The following DOC2B variants were observed in gnomAD, a reference collection of about 807,000 sequenced individuals.
DOC2B encodes double C2 domain beta.
Under a neutral mutation model 28.9 loss-of-function variants are expected in DOC2B, and 21 were observed. That is an observed-to-expected ratio of 0.73 (90% CI 0.52 to 1.05). The LOEUF is 1.05. Among genes scored for constraint, DOC2B ranks in the 50% least tolerant of loss-of-function variants. DOC2B has a pLI of 0.00. For synonymous variants in DOC2B, 194 were observed against 178.1 expected (o/e 1.09, Z -0.71); for missense variants, 384 against 421.1 (o/e 0.91, Z 0.77).
At chr17:163,801 T>A in intron 3 of DOC2B, 1 of 305,666 alleles carries the variant, frequency 3.3e-6, no homozygotes, top group South Asian at 8.6e-5. Context: ...AGTCCTTTGT[T>A]TGCACCTAAT....
Position 145,956 on chromosome 17 carries a change from T to A in DOC2B, c.*1485A>T, listed in dbSNP as rs2040015294. The A allele has an allele frequency of 6.6e-6, 1 of 152,372 alleles. No individual in the cohort carries two copies. Among genetic ancestry groups the A allele is most frequent in the African/African-American group, 2.4e-5 (1 of 41,468 alleles). The allele number at this position is 152,372 out of a possible 1,614,324, so 9.4% of individuals were successfully genotyped here. A position where few individuals can be genotyped will look rare whatever the true frequency, so the allele number is the denominator to read the frequency against. On this transcript the variant is annotated 3_prime_UTR_variant, in exon 9 of 9. Coordinates refer to ENST00000613549, the MANE Select transcript of DOC2B (RefSeq NM_003585.5). ...CACACTGGGACTCTGGCTGTGCAAC[T>A]CCTTGGCTCTGCATTTGTTCACCCA...
chr17:177,856 C>A (rs146992383), intron 1 of DOC2B, among the ~76,000 whole-genome samples: 111 of 152,394 alleles, frequency 7.3e-4, no homozygotes, highest in African/African-American at 2.5e-3. Context: ...CACGGAGAAC[C>A]TTTGTGGTGG....
chr17:153,118 A>G (rs1412089299), intron 6 of DOC2B, among the ~76,000 whole-genome samples: 1 of 152,088 alleles, frequency 6.6e-6, no homozygotes, highest in Non-Finnish European at 1.5e-5. Flanking sequence ...TGGCTCAGAT[A>G]CAGGGAGTGG....
intron 1 of DOC2B, among the ~76,000 whole-genome samples, chr17:178,145 T>G (rs560153483): frequency 2.2e-4 from 33 of 152,370 alleles, no homozygotes; most frequent in African/African-American, 7.0e-4. Context: ...CTGAGGGTCC[T>G]GCTTGGCTGA....
At chr17:149,650 C>T (rs2040051899) in intron 6 of DOC2B, among the ~76,000 whole-genome samples, 1 of 152,050 alleles carries the variant, frequency 6.6e-6, no homozygotes, top group East Asian at 1.9e-4. Context: ...GGACTACAGG[C>T]ATGTGCCGCC....
chr17:149,053 C>G (rs974801773), intron 7 of DOC2B, 58 bp downstream of exon 7: 7 of 398,662 alleles, frequency 1.8e-5, no homozygotes, highest in Non-Finnish European at 2.2e-5. Context: ...CCCAGCCACA[C>G]CCCCACTGCT....
rs144255400 is a variant in DOC2B at position 173,813 on chromosome 17, C to T, written c.374-1197G>A. Among the ~76,000 whole-genome samples, 529 of 152,222 alleles carry T rather than the reference C, an allele frequency of 3.5e-3. 2 individuals carry two copies. Among genetic ancestry groups the T allele is most frequent in the Admixed American group, 5.2e-3 (80 of 15,284 alleles). On this transcript the variant is annotated intron_variant, in intron 1 of 8. Coordinates refer to ENST00000613549, the MANE Select transcript of DOC2B (RefSeq NM_003585.5). The stretch of plus-strand genomic sequence containing the variant: ...TACGGGCTTAGTGGCTGGTGTGATC[C>T]CGGGATAAGGGAAGGCCAAACTTGA...
At chr17:169,898 TGAGG>T (rs1318002163) in intron 2 of DOC2B, among the ~76,000 whole-genome samples, 1 of 152,082 alleles carries the variant, frequency 6.6e-6, no homozygotes, top group Non-Finnish European at 1.5e-5. Context: ...TTCTGATACC[TGAGG>T]GATACAGCCC....
intron 5 of DOC2B, among the ~76,000 whole-genome samples, chr17:158,615 C>G (rs1248068567): frequency 6.6e-6 from 1 of 152,244 alleles, no homozygotes; most frequent in Non-Finnish European, 1.5e-5. Context: ...ACACAGTGCT[C>G]AGGCAGCCAT....
chr17:156,156 G>A, intron 6 of DOC2B, 64 bp downstream of exon 6: 2 of 1,473,730 alleles, frequency 1.4e-6, no homozygotes, highest in Non-Finnish European at 9.0e-7. Context: ...CACGGAGCCG[G>A]CACACGGACC....
In DOC2B at chr17:144,148, CT is replaced by C. The variant is rs1177567945; in HGVS notation, c.*3292del. ...GCCTGGTTACTGACACCTGGAATGACTTTTTTTTTTTGGCATCAGATTTCCT... is the reference window on the plus strand; with the variant it reads ...GCCTGGTTACTGACACCTGGAATGACTTTTTTTTTTGGCATCAGATTTCCT... On this transcript the variant is annotated 3_prime_UTR_variant, in exon 9 of 9. Coordinates refer to ENST00000613549, the MANE Select transcript of DOC2B (RefSeq NM_003585.5). 5.7e-4 allele frequency: 83 copies of C among 144,980 alleles called. No homozygotes were observed. The highest frequency in any genetic ancestry group is 3.9e-3 in the South Asian group (20 of 5,096). 9.0% of individuals were successfully genotyped at this position (144,980 alleles called of 1,614,324 possible). A position where few individuals can be genotyped will look rare whatever the true frequency, so the allele number is the denominator to read the frequency against.
At chr17:176,391 T>TGGGG (rs1330499759) in intron 1 of DOC2B, among the ~76,000 whole-genome samples, 4 of 75,948 alleles carry the variant, frequency 5.3e-5, no homozygotes, top group African/African-American at 1.6e-4. Flanking sequence ...GTGGTGTTGG[T>TGGGG]GCGGGGGGTG....
At chr17:147,607 C>T (rs910353549) in intron 8 of DOC2B, 30 bp from the exon 9 acceptor site, 1 of 398,874 alleles carries the variant, frequency 2.5e-6, no homozygotes, top group Non-Finnish European at 4.4e-6. Context: ...GCAGCTGGGG[C>T]ACAGGGACCC....
At chr17:163,263 G>A (rs2040225155) in intron 3 of DOC2B, among the ~76,000 whole-genome samples, 1 of 152,092 alleles carries the variant, frequency 6.6e-6, no homozygotes, top group African/African-American at 2.4e-5. Flanking sequence ...CCTTCTTGCA[G>A]CATAAGGGCA....
At chr17:152,994 C>T (rs2040088484) in intron 6 of DOC2B, among the ~76,000 whole-genome samples, 1 of 152,122 alleles carries the variant, frequency 6.6e-6, no homozygotes, top group African/African-American at 2.4e-5. Flanking sequence ...AGGAAGAGGC[C>T]CCTGGTCCAT....
chr17:160,755 A>G (rs1365729896), intron 5 of DOC2B, among the ~76,000 whole-genome samples: 1 of 152,182 alleles, frequency 6.6e-6, no homozygotes, highest in Non-Finnish European at 1.5e-5. Context: ...GGACATAGAG[A>G]CCAAGACTCA....
Position 174,453 on chromosome 17 carries a change from A to G in DOC2B, c.374-1837T>C, listed in dbSNP as rs185061033. Among the ~76,000 whole-genome samples, 251 of 152,352 alleles carry G rather than the reference A, an allele frequency of 1.6e-3. 1 individual carries two copies. Among genetic ancestry groups the G allele is most frequent in the African/African-American group, 5.8e-3 (242 of 41,574 alleles). ...CTAGCTAACAGTACTGGCTTCTCTA[A>G]GACCCATTCTGGAATGAAACTGTCC... On this transcript the variant is annotated intron_variant, in intron 1 of 8. Coordinates refer to ENST00000613549, the MANE Select transcript of DOC2B (RefSeq NM_003585.5).
intron 6 of DOC2B, among the ~76,000 whole-genome samples, chr17:152,078 C>T (rs1175555776): frequency 3.9e-5 from 6 of 152,082 alleles, no homozygotes; most frequent in Admixed American, 6.5e-5. Context: ...TCCTGGCCAC[C>T]GGGGCTCACG....
chr17:177,307 G>T (rs1484154063), intron 1 of DOC2B, among the ~76,000 whole-genome samples: 1 of 152,120 alleles, frequency 6.6e-6, no homozygotes, highest in African/African-American at 2.4e-5. Context: ...ATCAACTCCT[G>T]GACTCAGTTC....
Sources: gnomAD v4.1 joint callset for allele counts (sites outside exome capture counted in the v4.1 genomes callset) on GRCh38, gnomAD v4.1.1 for gene constraint, MANE v1.5 for transcripts, NCBI Gene and HGNC (gene_info 2026-07-23, HGNC 2026-07-21) for gene names.